The following MAP9 variants were observed in gnomAD, a reference collection of about 807,000 sequenced individuals.
The protein encoded by MAP9 is microtubule associated protein 9.
A neutral mutation model predicts 75.2 loss-of-function variants in MAP9; 80 were observed. The observed-to-expected ratio is 1.06, with a 90% CI of 0.89 to 1.28. The LOEUF is 1.28. Among genes scored for constraint, MAP9 ranks in the 50% most tolerant of loss-of-function variants. The probability of loss-of-function intolerance (pLI) is 0.00; values close to 1 mark genes in which losing one functional copy is unlikely to be tolerated. For synonymous variants in MAP9, 235 were observed against 237.3 expected (o/e 0.99, Z 0.09); for missense variants, 753 against 719.9 (o/e 1.05, Z -0.53).
At position 155,373,400 on chromosome 4, in the gene MAP9, T is replaced by C. The variant is rs759729448; in HGVS notation, c.217A>G (p.Met73Val). The part of the protein sequence containing the change: ...SADENSVNKK[M>V]NDFHISDDEE... ...TCATCTGATATATGAAAGTCATTCA[T>C]TTTTTTATTAACTGAATTTTCATCT... Residue 73 changes from methionine (M) to valine (V), a missense_variant, in exon 4 of 14, where the codon ATG (methionine) becomes GTG (valine). Physicochemically the swap from Met to Val is conservative, Grantham distance 21. Coordinates refer to ENST00000311277, the MANE Select transcript of MAP9 (RefSeq NM_001039580.2). The C allele has an allele frequency of 4.7e-5, 75 of 1,596,088 alleles. No individual in the cohort carries two copies. The highest frequency in any genetic ancestry group is 6.1e-5 in the Non-Finnish European group (71 of 1,171,998).
chr4:155,368,522 T>A, intron 5 of MAP9, 64 bp downstream of exon 5: 1 of 1,318,228 alleles, frequency 7.6e-7, no homozygotes, highest in Non-Finnish European at 1.1e-6. Flanking sequence ...CTTCTCTTTT[T>A]CATAATCAGA....
At chr4:155,363,666 G>C (rs1732192212) in intron 5 of MAP9, among the ~76,000 whole-genome samples, 2 of 152,064 alleles carry the variant, frequency 1.3e-5, no homozygotes, top group South Asian at 4.1e-4. Context: ...CTTTGCAACT[G>C]CAAATGGAAC....
At chr4:155,375,342 A>C (rs942176051) in intron 2 of MAP9, among the ~76,000 whole-genome samples, 10 of 152,188 alleles carry the variant, frequency 6.6e-5, no homozygotes, top group Non-Finnish European at 1.5e-5. Flanking sequence ...TTTAGATTAT[A>C]ATTTATTAAA....
chr4:155,361,925 A>G (rs887869213), intron 6 of MAP9, 123 bp downstream of exon 6: 2 of 639,706 alleles, frequency 3.1e-6, no homozygotes, highest in Non-Finnish European at 5.3e-6. Flanking sequence ...AGTCAGGATT[A>G]AAACTCAAAC....
At chr4:155,376,572 G>T (rs1732856836) in intron 1 of MAP9, 199 bp downstream of exon 1, 1 of 152,560 alleles carries the variant, frequency 6.6e-6, no homozygotes, top group Non-Finnish European at 1.5e-5. Context: ...GCCAGGTGAC[G>T]TCCGGGTGCT....
chr4:155,350,176 A>G (rs1050059692), intron 13 of MAP9: 27 of 434,376 alleles, frequency 6.2e-5, no homozygotes, highest in Non-Finnish European at 8.6e-5. Context: ...AAAGCTTGAG[A>G]TGTTGTTTTC....
At position 155,353,334 on chromosome 4, in the gene MAP9, C is replaced by CT. The variant is rs1164289394; in HGVS notation, c.1386dup (p.Ala463SerfsTer3). 1.3e-6 allele frequency: 2 copies of CT among 1,557,952 alleles called. No individual in the cohort carries two copies. The highest frequency in any genetic ancestry group is 1.7e-6 in the Non-Finnish European group (2 of 1,162,590). ...GCTAATGCTTCTTCTCTTTTAGCAGCTTTTTTCTACAGTGGAAAAAATAAT... is the reference window on the plus strand; with the variant it reads ...GCTAATGCTTCTTCTCTTTTAGCAGCTTTTTTTCTACAGTGGAAAAAATAAT... On this transcript the variant is annotated frameshift_variant, in exon 11 of 14. Coordinates refer to ENST00000311277, the MANE Select transcript of MAP9 (RefSeq NM_001039580.2). LOFTEE classifies it high-confidence loss of function.
intron 4 of MAP9, among the ~76,000 whole-genome samples, chr4:155,370,383 C>T (rs1732539328): frequency 6.6e-6 from 1 of 152,186 alleles, no homozygotes; most frequent in Non-Finnish European, 1.5e-5. Context: ...CTTTAAACAA[C>T]ATAAAACGGA....
chr4:155,355,674 A>G (rs764065223), intron 9 of MAP9, 42 bp downstream of exon 9: 25 of 1,479,648 alleles, frequency 1.7e-5, no homozygotes, highest in Non-Finnish European at 2.3e-5. Flanking sequence ...GGCTTATGAA[A>G]GTGATCATTC....
At chr4:155,363,202 G>A (rs1301392745) in intron 5 of MAP9, 8 of 152,106 alleles carry the variant, frequency 5.3e-5, no homozygotes. Context: ...GCTAGAAACT[G>A]AAAAGAATTA....
At position 155,343,038 on chromosome 4, in the gene MAP9, T is replaced by A. The variant is rs1242289812; in HGVS notation, c.*4745A>T. 6.6e-6 allele frequency: 1 copy of A among 151,980 alleles called. No individual in the cohort carries two copies. Among genetic ancestry groups the A allele is most frequent in the Non-Finnish European group, 1.5e-5 (1 of 67,904 alleles). 9.4% of individuals were successfully genotyped at this position (151,980 alleles called of 1,614,324 possible). On this transcript the variant is annotated 3_prime_UTR_variant, in exon 14 of 14. Transcript: ENST00000311277. Reference sequence around the variant, plus strand: ...AAATTGTAGTTACAGCATCTAAAATTATTAGAAAATTATATTAGCATGGAA... The same window carrying A: ...AAATTGTAGTTACAGCATCTAAAATAATTAGAAAATTATATTAGCATGGAA...
Position 155,358,003 on chromosome 4 carries a change from A to C in MAP9, c.1051-484T>G, listed in dbSNP as rs1336654278. On this transcript the variant is annotated intron_variant, in intron 7 of 13. Coordinates refer to ENST00000311277, the MANE Select transcript of MAP9 (RefSeq NM_001039580.2). ...AGGGAAAGCGGAGGAAGACGTGGTCAGGGAAGAACCAGGTGAGATCACTAG... is the reference window on the plus strand; with the variant it reads ...AGGGAAAGCGGAGGAAGACGTGGTCCGGGAAGAACCAGGTGAGATCACTAG... 8.5e-5 allele frequency among the ~76,000 whole-genome samples: 13 copies of C among 152,330 alleles called. No homozygotes were observed. The East Asian group carries it at 2.5e-3, about 29-fold the overall frequency.
chr4:155,354,868 T>G (rs184955980), intron 10 of MAP9, among the ~76,000 whole-genome samples: 1 of 152,142 alleles, frequency 6.6e-6, no homozygotes, highest in African/African-American at 2.4e-5. Flanking sequence ...CCTATACATA[T>G]ACAAAATTAA....
rs1360349973 is a variant in MAP9 at position 155,373,165 on chromosome 4, C to T, written c.452G>A (p.Arg151Lys). The T allele has an allele frequency of 1.9e-6, 3 of 1,570,638 alleles. No homozygotes were observed. The highest frequency in any genetic ancestry group is 2.4e-5 in the South Asian group (2 of 83,370). ...KDKIKMKPKP[R>K]ILSIKSTSSA... Reference sequence around the variant, plus strand: ...AGATGTGCTTTTAATTGAAAGAATTCTGGGTTTAGGTTTCATTTTTATTTT... The same window carrying T: ...AGATGTGCTTTTAATTGAAAGAATTTTGGGTTTAGGTTTCATTTTTATTTT... The change falls in exon 4 of 14, where the codon AGA becomes AAA. Residue 151 changes from arginine (R) to lysine (K), a missense_variant. Arg to Lys is a conservative substitution (Grantham distance 26). Coordinates refer to ENST00000311277, the MANE Select transcript of MAP9 (RefSeq NM_001039580.2).
intron 5 of MAP9, among the ~76,000 whole-genome samples, chr4:155,367,925 T>G (rs901107845): frequency 1.3e-5 from 2 of 152,256 alleles, no homozygotes; most frequent in African/African-American, 4.8e-5. Context: ...AAGCAGATTA[T>G]GGGGAAGAAA....
intron 7 of MAP9, among the ~76,000 whole-genome samples, chr4:155,357,857 G>A (rs971477170): frequency 1.3e-5 from 2 of 151,910 alleles, no homozygotes; most frequent in African/African-American, 2.4e-5. Flanking sequence ...GAGTGCAAAG[G>A]GCCCACCGAA....
rs776688626 is a variant in MAP9, at chr4:155,355,807, A to G, written c.1199T>C (p.Leu400Ser). The G allele has an allele frequency of 6.2e-7, 1 of 1,613,782 alleles. No individual in the cohort carries two copies. The highest frequency in any genetic ancestry group is 8.5e-7 in the Non-Finnish European group (1 of 1,179,784). ...TTGGTCCAAGACTTTTAAAGTCCCT[A>G]AATAGTGAGAAGAGGTAGTTGTCGA... ...TPSTTTSSHY[L>S]GTLKVLDQKP... is the part of the protein sequence containing the mutation. The change falls in exon 9 of 14, where the codon TTA becomes TCA. Residue 400 changes from leucine (L) to serine (S), a missense_variant. Transcript: ENST00000311277.
chr4:155,364,273 C>T (rs1732222701), intron 5 of MAP9, among the ~76,000 whole-genome samples: 1 of 151,814 alleles, frequency 6.6e-6, no homozygotes, highest in South Asian at 2.1e-4. Flanking sequence ...GAGACAAATA[C>T]TTTTAGAAAA....
Position 155,360,425 on chromosome 4 carries a change from G to A in MAP9, c.803-10C>T. ...ATTTCTTCATTTGGATCTATTTTGA[G>A]ACAGAGTAATAGCATTAAAACCCCC... is the stretch of plus-strand genomic sequence containing the variant. On this transcript the variant is annotated splice_polypyrimidine_tract_variant and intron_variant, in intron 6 of 13. Transcript: ENST00000311277. The A allele has an allele frequency of 6.2e-7, 1 of 1,605,728 alleles. No homozygotes were observed. The highest frequency in any genetic ancestry group is 1.1e-5 in the South Asian group (1 of 90,692).
Sources: gnomAD v4.1 joint callset for allele counts (sites outside exome capture counted in the v4.1 genomes callset) on GRCh38, gnomAD v4.1.1 for gene constraint, MANE v1.5 for transcripts, NCBI Gene and HGNC (gene_info 2026-07-23, HGNC 2026-07-21) for gene names.